The following HMGB1 variants were observed in gnomAD, a reference collection of about 807,000 sequenced individuals.
The protein encoded by HMGB1 is high mobility group box 1, also known as high mobility group protein B1.
For missense variants in HMGB1, 79 were observed against 253.5 expected, an observed-to-expected ratio of 0.31 and a Z score of 4.67; for synonymous variants, 81 against 84.0, an observed-to-expected ratio of 0.96 and a Z score of 0.19.
At chr13:30,538,577 T>TTC (rs1868633915) in intron 1 of HMGB1, among the ~76,000 whole-genome samples, 1 of 144,638 alleles carries the variant, frequency 6.9e-6, no homozygotes, top group African/African-American at 2.7e-5. Context: ...TTTTTCTTTC[T>TTC]TTCTTTCTTT....
chr13:30,597,885 T>C (rs1871687699), intron 1 of HMGB1, among the ~76,000 whole-genome samples: 1 of 152,178 alleles, frequency 6.6e-6, no homozygotes, highest in African/African-American at 2.4e-5. Context: ...TTCCCTGGGC[T>C]CCTTTTTCTT....
At chr13:30,464,416 A>C in intron 1 of HMGB1, 1 of 984,784 alleles carries the variant, frequency 1.0e-6, no homozygotes, top group Non-Finnish European at 1.2e-6. Context: ...CCCTCCCCCA[A>C]CTCGGGAAGT....
intron 1 of HMGB1, among the ~76,000 whole-genome samples, chr13:30,591,324 G>A (rs1206575287): frequency 2.6e-5 from 4 of 152,026 alleles, no homozygotes; most frequent in Non-Finnish European, 4.4e-5. Flanking sequence ...GAACCATCGC[G>A]CCTGGCCGAG....
rs717802 is a variant in HMGB1 at position 30,616,158 on chromosome 13, A to G, written c.-15+513T>C. ...CTCCTGTACCAAAGTTCTTCCCTTT[A>G]TAAGTCTTGTACTACCTTTTACAAG... On this transcript the variant is annotated intron_variant, in intron 1 of 4. Coordinates refer to the HMGB1 transcript ENST00000405805. 9.3e-3 allele frequency among the ~76,000 whole-genome samples: 1,417 copies of G among 152,306 alleles called. 26 individuals are homozygous for G. Among genetic ancestry groups the G allele is most frequent in the African/African-American group, 0.033 (1,352 of 41,562 alleles).
At chr13:30,486,456 G>A (rs540821529) in intron 1 of HMGB1, among the ~76,000 whole-genome samples, 65 of 152,340 alleles carry the variant, frequency 4.3e-4, no homozygotes, top group African/African-American at 1.5e-3. Flanking sequence ...ATGGATGACG[G>A]GAGGGCAGTC....
chr13:30,549,197 C>T (rs978685347), intron 1 of HMGB1, among the ~76,000 whole-genome samples: 1 of 152,020 alleles, frequency 6.6e-6, no homozygotes, highest in East Asian at 1.9e-4. Flanking sequence ...CTCAGGTGCT[C>T]GCTTGGGTCC....
At chr13:30,586,201 T>C (rs1871137713) in intron 1 of HMGB1, among the ~76,000 whole-genome samples, 1 of 152,152 alleles carries the variant, frequency 6.6e-6, no homozygotes, top group Non-Finnish European at 1.5e-5. Context: ...ACTACAGGCA[T>C]GCACAGCTAT....
chr13:30,506,331 G>A (rs1887865785), intron 1 of HMGB1, among the ~76,000 whole-genome samples: 1 of 152,180 alleles, frequency 6.6e-6, no homozygotes, highest in African/African-American at 2.4e-5. Flanking sequence ...TGTGGAGAGG[G>A]CTACAGCCAG....
intron 1 of HMGB1, among the ~76,000 whole-genome samples, chr13:30,612,271 A>G (rs969234144): frequency 6.6e-6 from 1 of 152,188 alleles, no homozygotes; most frequent in African/African-American, 2.4e-5. Flanking sequence ...GAAAACAAAC[A>G]GGTGGTGAGA....
At chr13:30,614,861 G>C (rs1950545559) in intron 1 of HMGB1, among the ~76,000 whole-genome samples, 2 of 150,962 alleles carry the variant, frequency 1.3e-5, no homozygotes, top group South Asian at 4.2e-4. Flanking sequence ...ACCGCGCCCG[G>C]TTAATTTTTG....
exon 1 of HMGB1, chr13:30,617,266 G>C (rs1336346588): frequency 6.6e-6 from 1 of 152,360 alleles, no homozygotes; most frequent in Non-Finnish European, 1.5e-5. Flanking sequence ...CCAGAATCCT[G>C]GTAGAAAAGC....
chr13:30,560,603 C>T (rs867032791), intron 1 of HMGB1, among the ~76,000 whole-genome samples: 19 of 152,204 alleles, frequency 1.2e-4, no homozygotes, highest in African/African-American at 4.1e-4. Context: ...AGACAAAGGC[C>T]GATATCAATA....
intron 4 of HMGB1, 92 bp from the exon 5 acceptor site, chr13:30,461,625 G>A: frequency 6.3e-7 from 1 of 1,581,606 alleles, no homozygotes; most frequent in Non-Finnish European, 8.6e-7. Context: ...AAGAAATCAA[G>A]ATTCTAGTTA....
At chr13:30,483,324 G>A (rs570681710) in intron 1 of HMGB1, among the ~76,000 whole-genome samples, 6 of 151,136 alleles carry the variant, frequency 4.0e-5, no homozygotes, top group African/African-American at 1.5e-4. Context: ...TCAGTTGCCC[G>A]GCCCAGAAAC....
At chr13:30,464,396 C>T (rs1041158417) in intron 1 of HMGB1, 4 of 985,496 alleles carry the variant, frequency 4.1e-6, no homozygotes, top group Non-Finnish European at 4.8e-6. Context: ...CTGCTCGTGG[C>T]TCGGTGGCCC....
chr13:30,599,531 C>G (rs1377909416), intron 1 of HMGB1, among the ~76,000 whole-genome samples: 2 of 152,132 alleles, frequency 1.3e-5, no homozygotes, highest in African/African-American at 2.4e-5. Flanking sequence ...GCTGGACCAA[C>G]AGAAATTTAT....
chr13:30,501,576 A>ATTTT (rs1887737166), intron 1 of HMGB1, among the ~76,000 whole-genome samples: 3 of 152,184 alleles, frequency 2.0e-5, no homozygotes. Flanking sequence ...CATTAAATAG[A>ATTTT]AATTAAAAAC....
intron 1 of HMGB1, among the ~76,000 whole-genome samples, chr13:30,531,837 C>T (rs1490522904): frequency 6.6e-6 from 1 of 150,704 alleles, no homozygotes; most frequent in African/African-American, 2.4e-5. Context: ...GTGTAGGTTG[C>T]AGTGAGCCGA....
intron 1 of HMGB1, among the ~76,000 whole-genome samples, chr13:30,603,832 G>T (rs1365562011): frequency 6.6e-6 from 1 of 152,084 alleles, no homozygotes; most frequent in African/African-American, 2.4e-5. Flanking sequence ...TACGTAAATA[G>T]TTGTTATACT....
Sources: gnomAD v4.1 joint callset for allele counts (sites outside exome capture counted in the v4.1 genomes callset) on GRCh38, gnomAD v4.1.1 for gene constraint, MANE v1.5 for transcripts, NCBI Gene and HGNC (gene_info 2026-07-23, HGNC 2026-07-21) for gene names.